Variants in ZNF385D observed in about 807,000 individuals in gnomAD.
The protein encoded by ZNF385D is zinc finger protein 385D, also known as zinc finger protein 659.
ZNF385D carries 15 observed loss-of-function variants against 35.8 expected under a neutral mutation model. The ratio of observed to expected loss-of-function variants is 0.42; its 90% confidence interval spans 0.28 to 0.64. The LOEUF (loss-of-function observed/expected upper bound fraction) is 0.64. Among genes scored for constraint, ZNF385D ranks in the 30% least tolerant of loss-of-function variants. The pLI is 0.23. For missense variants in ZNF385D, 474 were observed against 494.6 expected (o/e 0.96, Z 0.39); for synonymous variants, 212 against 186.8 (o/e 1.13, Z -1.10).
chr3:22,191,057 A>T (rs1576471321), intron 2 of ZNF385D, among the ~76,000 whole-genome samples: 1 of 152,168 alleles, frequency 6.6e-6, no homozygotes, highest in South Asian at 2.1e-4. Context: ...AACATGGTGA[A>T]TTAAGTTAAA....
At chr3:21,789,426 T>C (rs1384953024) in intron 3 of ZNF385D, among the ~76,000 whole-genome samples, 2 of 152,204 alleles carry the variant, frequency 1.3e-5, no homozygotes, top group Non-Finnish European at 2.9e-5. Flanking sequence ...ATGTTGGTTT[T>C]GTTGTTGTTG....
At chr3:22,082,719 T>C (rs1158654373) in intron 3 of ZNF385D, among the ~76,000 whole-genome samples, 1 of 152,196 alleles carries the variant, frequency 6.6e-6, no homozygotes, top group Admixed American at 6.5e-5. Flanking sequence ...AGCATGGTGT[T>C]TGAGCTCGGA....
At chr3:21,820,016 A>G (rs2125731571) in intron 3 of ZNF385D, among the ~76,000 whole-genome samples, 1 of 151,190 alleles carries the variant, frequency 6.6e-6, no homozygotes, top group Middle Eastern at 3.4e-3. Flanking sequence ...CACACAAAGC[A>G]TTTTAGTAAT....
chr3:22,031,886 C>T (rs762733200), intron 3 of ZNF385D, among the ~76,000 whole-genome samples: 1 of 152,164 alleles, frequency 6.6e-6, no homozygotes, highest in Non-Finnish European at 1.5e-5. Flanking sequence ...TATAAATAAA[C>T]ACTTTCAGAA....
intron 1 of ZNF385D, among the ~76,000 whole-genome samples, chr3:21,717,571 C>T (rs1437774870): frequency 6.6e-6 from 1 of 152,170 alleles, no homozygotes; most frequent in Non-Finnish European, 1.5e-5. Context: ...TTCACTGTGT[C>T]CCCACCCAAA....
chr3:21,501,664 CTT>C (rs1706380187), intron 4 of ZNF385D, among the ~76,000 whole-genome samples: 1 of 152,124 alleles, frequency 6.6e-6, no homozygotes, highest in African/African-American at 2.4e-5. Context: ...TTGTTCAACT[CTT>C]TTGTAATATT....
chr3:21,610,696 A>G (rs1251283376), intron 2 of ZNF385D, among the ~76,000 whole-genome samples: 3 of 151,380 alleles, frequency 2.0e-5, no homozygotes, highest in Non-Finnish European at 2.9e-5. Context: ...AATGGTGTGA[A>G]CCCAGGAGGC....
At chr3:21,587,350 C>T (rs2063841433) in intron 2 of ZNF385D, among the ~76,000 whole-genome samples, 1 of 152,116 alleles carries the variant, frequency 6.6e-6, no homozygotes, top group Admixed American at 6.5e-5. Flanking sequence ...GGACATAATT[C>T]AGCCTGTAGC....
intron 3 of ZNF385D, among the ~76,000 whole-genome samples, chr3:22,144,069 G>C (rs1019567718): frequency 6.6e-6 from 1 of 152,232 alleles, no homozygotes; most frequent in Admixed American, 6.5e-5. Flanking sequence ...GGGGATATTT[G>C]TATAATGTTT....
intron 2 of ZNF385D, among the ~76,000 whole-genome samples, chr3:22,271,580 G>A (rs1276200225): frequency 2.0e-5 from 3 of 151,820 alleles, no homozygotes; most frequent in Non-Finnish European, 4.4e-5. Context: ...ATACCCTTAA[G>A]TTGATCCCAG....
chr3:22,098,894 T>C lies in ZNF385D; in HGVS notation c.325+69923A>G, dbSNP rs562466079. On this transcript the variant is annotated intron_variant, in intron 3 of 5. Transcript: ENST00000494108. ...AGGCAAAAGCTCCCTGGAAAAAAAA[T>C]GGCATTATTTATCAAAAGTTTTAAC... Among the ~76,000 whole-genome samples, 4 of 151,932 alleles carry C rather than the reference T, an allele frequency of 2.6e-5. No individual in the cohort carries two copies. The South Asian group carries it at 8.3e-4, about 32-fold the overall frequency.
At chr3:21,437,259 T>A in intron 4 of ZNF385D, 56 bp from the exon 5 acceptor site, 1 of 1,473,560 alleles carries the variant, frequency 6.8e-7, no homozygotes, top group Non-Finnish European at 9.3e-7. Flanking sequence ...TATCTTTCCC[T>A]ATTCAGGAAT....
chr3:22,348,042 A>G (rs190644735), intron 2 of ZNF385D, among the ~76,000 whole-genome samples: 1 of 152,268 alleles, frequency 6.6e-6, no homozygotes, highest in Admixed American at 6.5e-5. Flanking sequence ...ATAAAATCTA[A>G]CTAAGGTCTA....
At chr3:22,126,256 AAATCCCACATTGT>A (rs1453213031) in intron 3 of ZNF385D, among the ~76,000 whole-genome samples, 1 of 151,278 alleles carries the variant, frequency 6.6e-6, no homozygotes, top group Non-Finnish European at 1.5e-5. Context: ...TCCATGCAAT[AAATCCCACATTGT>A]GGGATTTAAG....
At chr3:21,590,920 A>C (rs916634701) in intron 2 of ZNF385D, among the ~76,000 whole-genome samples, 1 of 152,144 alleles carries the variant, frequency 6.6e-6, no homozygotes, top group African/African-American at 2.4e-5. Context: ...TTCAGGCCAG[A>C]CGCAACTTCT....
At chr3:22,139,632 G>A (rs62248889) in intron 3 of ZNF385D, among the ~76,000 whole-genome samples, 22,358 of 151,566 alleles carry the variant, frequency 0.15, 2,153 homozygotes, top group Middle Eastern at 0.24. Flanking sequence ...GGGGGAGGAG[G>A]GAGGGATAGC....
At chr3:21,575,877 C>G (rs1046191982) in intron 2 of ZNF385D, among the ~76,000 whole-genome samples, 5 of 152,094 alleles carry the variant, frequency 3.3e-5, no homozygotes, top group African/African-American at 1.2e-4. Context: ...ATAAATTGAG[C>G]AACATTGAAA....
At chr3:21,687,321 C>T (rs1003180060) in intron 1 of ZNF385D, among the ~76,000 whole-genome samples, 5 of 152,094 alleles carry the variant, frequency 3.3e-5, no homozygotes, top group African/African-American at 9.7e-5. Context: ...ACATTGTTAT[C>T]GTGTAAGCCA....
intron 1 of ZNF385D, among the ~76,000 whole-genome samples, chr3:21,734,188 C>A (rs376695772): frequency 2.6e-5 from 4 of 151,618 alleles, no homozygotes; most frequent in Non-Finnish European, 5.9e-5. Context: ...GTGATATTAG[C>A]GAAGAGTTTG....
Sources: gnomAD v4.1 joint callset for allele counts (sites outside exome capture counted in the v4.1 genomes callset) on GRCh38, gnomAD v4.1.1 for gene constraint, MANE v1.5 for transcripts, NCBI Gene and HGNC (gene_info 2026-07-23, HGNC 2026-07-21) for gene names.